Variants in SHANK2 observed in about 807,000 individuals in gnomAD.
SHANK2 encodes the protein SH3 and multiple ankyrin repeat domains protein 2.
A neutral mutation model predicts 133.7 loss-of-function variants in SHANK2; 43 were observed. The ratio of observed to expected loss-of-function variants is 0.32; its 90% CI spans 0.25 to 0.41. The LOEUF is 0.41. Ranked by LOEUF, SHANK2 falls within the 10% of genes least tolerant of loss-of-function variation. The probability of loss-of-function intolerance (pLI) is 1.00; values close to 1 mark genes in which losing one functional copy is unlikely to be tolerated. For missense variants in SHANK2, 1,994 were observed against 2,235.8 expected, an observed-to-expected ratio of 0.89 and a Z score of 2.18; for synonymous variants, 1,017 against 952.8, an observed-to-expected ratio of 1.07 and a Z score of -1.24.
chr11:71,116,722 G>C (rs1328165757), intron 4 of SHANK2, among the ~76,000 whole-genome samples: 1 of 152,218 alleles, frequency 6.6e-6, no homozygotes, highest in Admixed American at 6.5e-5. Flanking sequence ...TGGAGGCGGG[G>C]CCAGGTGGGA....
chr11:70,489,451 C>T, intron 23 of SHANK2, 103 bp from the exon 24 acceptor site: 3 of 1,084,302 alleles, frequency 2.8e-6, no homozygotes, highest in Non-Finnish European at 4.3e-6. Flanking sequence ...ACAGCAGACA[C>T]CACCTCCACG....
At chr11:70,785,009 T>C (rs1338873647) in intron 14 of SHANK2, among the ~76,000 whole-genome samples, 1 of 152,196 alleles carries the variant, frequency 6.6e-6, no homozygotes, top group African/African-American at 2.4e-5. Context: ...AAGTGGTGGC[T>C]TCCCAGGAGG....
At chr11:70,884,965 C>A (rs1429289836) in intron 11 of SHANK2, among the ~76,000 whole-genome samples, 1 of 152,202 alleles carries the variant, frequency 6.6e-6, no homozygotes, top group Non-Finnish European at 1.5e-5. Flanking sequence ...AGGCGATCCA[C>A]CCACCTCAGC....
intron 6 of SHANK2, among the ~76,000 whole-genome samples, chr11:71,100,792 G>A (rs1270603100): frequency 6.6e-6 from 1 of 151,588 alleles, no homozygotes; most frequent in East Asian, 1.9e-4. Flanking sequence ...GCTTGAACCC[G>A]GGAGTCAGAG....
At chr11:71,223,424 T>A (rs1555121653) in intron 2 of SHANK2, among the ~76,000 whole-genome samples, 19 of 152,230 alleles carry the variant, frequency 1.2e-4, no homozygotes, top group Non-Finnish European at 2.9e-5. Flanking sequence ...GTTGCATCTG[T>A]ACCGAACATG....
At chr11:70,952,341 T>A (rs898796195) in intron 10 of SHANK2, among the ~76,000 whole-genome samples, 1 of 152,190 alleles carries the variant, frequency 6.6e-6, no homozygotes, top group African/African-American at 2.4e-5. Flanking sequence ...ACAAGTTCCA[T>A]CTTGTTCATA....
chr11:70,802,199 G>A (rs1383251465), intron 13 of SHANK2, among the ~76,000 whole-genome samples: 1 of 152,142 alleles, frequency 6.6e-6, no homozygotes, highest in Admixed American at 6.5e-5. Context: ...CAACACAGAC[G>A]ATGCTTTAAG....
chr11:71,070,356 G>A (rs1951127406), intron 9 of SHANK2, among the ~76,000 whole-genome samples: 1 of 152,218 alleles, frequency 6.6e-6, no homozygotes, highest in Non-Finnish European at 1.5e-5. Flanking sequence ...AGGTCAAGGG[G>A]CCAACCAGTC....
chr11:71,087,686 T>G (rs1244565075), intron 8 of SHANK2, among the ~76,000 whole-genome samples: 36 of 152,270 alleles, frequency 2.4e-4, no homozygotes, highest in African/African-American at 8.7e-4. Flanking sequence ...TGAAGTGCAG[T>G]GGCGCAATAT....
chr11:71,138,220 C>A (rs1952486337), intron 3 of SHANK2, among the ~76,000 whole-genome samples: 1 of 152,052 alleles, frequency 6.6e-6, no homozygotes, highest in South Asian at 2.1e-4. Context: ...ACTAACCACC[C>A]CTGCACCGGC....
At chr11:71,083,873 C>G (rs1235418539) in intron 8 of SHANK2, among the ~76,000 whole-genome samples, 2 of 152,038 alleles carry the variant, frequency 1.3e-5, no homozygotes, top group African/African-American at 4.8e-5. Flanking sequence ...TCTTAACTTG[C>G]TTCTTTATAC....
chr11:70,861,628 G>A (rs1196557242), intron 11 of SHANK2, among the ~76,000 whole-genome samples: 1 of 152,030 alleles, frequency 6.6e-6, no homozygotes, highest in African/African-American at 2.4e-5. Context: ...CCTCCTCTAC[G>A]AGCCAGTTAA....
chr11:70,950,805 G>A (rs982188634), intron 10 of SHANK2, among the ~76,000 whole-genome samples: 10 of 152,036 alleles, frequency 6.6e-5, no homozygotes, highest in African/African-American at 2.4e-4. Context: ...GTGTGGGTGT[G>A]TATGTATGTG....
At chr11:70,592,822 T>C (rs1333712770) in intron 17 of SHANK2, among the ~76,000 whole-genome samples, 4 of 152,194 alleles carry the variant, frequency 2.6e-5, no homozygotes, top group Admixed American at 1.3e-4. Context: ...TCCCTCTGCA[T>C]GCACCTTCAG....
intron 2 of SHANK2, among the ~76,000 whole-genome samples, chr11:71,222,834 C>T (rs1214002331): frequency 6.6e-6 from 1 of 152,264 alleles, no homozygotes; most frequent in Non-Finnish European, 1.5e-5. Flanking sequence ...ATCCTTGTGA[C>T]ACCTTTCGAG....
intron 6 of SHANK2, among the ~76,000 whole-genome samples, chr11:71,099,762 G>A (rs1951687023): frequency 6.6e-6 from 1 of 152,188 alleles, no homozygotes; most frequent in Admixed American, 6.5e-5. Context: ...AACTAAGACA[G>A]CAATTAGAGG....
chr11:70,522,687 G>C (rs1410247815), intron 17 of SHANK2, among the ~76,000 whole-genome samples: 1 of 152,186 alleles, frequency 6.6e-6, no homozygotes, highest in Admixed American at 6.5e-5. Context: ...CACTGTCTAA[G>C]CTTTTTCAAG....
intron 17 of SHANK2, among the ~76,000 whole-genome samples, chr11:70,617,477 G>A (rs902999761): frequency 8.8e-6 from 1 of 113,352 alleles, no homozygotes; most frequent in Non-Finnish European, 2.0e-5. Context: ...TGGGGAGGTG[G>A]AGCAGATTTG....
chr11:70,656,835 AAC>A, intron 17 of SHANK2, among the ~76,000 whole-genome samples: 1 of 152,298 alleles, frequency 6.6e-6, no homozygotes, highest in African/African-American at 2.4e-5. Context: ...TCAACCAAGG[AAC>A]AAAAACAACA....
Sources: allele counts gnomAD v4.1 joint callset (sites outside exome capture counted in the v4.1 genomes callset), GRCh38; gene constraint gnomAD v4.1.1; transcripts MANE v1.5; gene names NCBI Gene and HGNC (gene_info 2026-07-23, HGNC 2026-07-21).